Variants in CEP164 observed in about 807,000 individuals in gnomAD.
The protein encoded by CEP164 is centrosomal protein of 164 kDa.
In CEP164, 162 loss-of-function variants were observed where a neutral mutation model predicts 182.7. The observed-to-expected ratio is 0.89, with a 90% CI of 0.78 to 1.01. CEP164 has a LOEUF of 1.01. Ranked by LOEUF, CEP164 falls within the 50% of genes least tolerant of loss-of-function variation. The pLI, the probability that CEP164 is intolerant of heterozygous loss-of-function variation, is 0.00. For missense variants in CEP164, 1,735 were observed against 1,790.4 expected (o/e 0.97, Z 0.56); for synonymous variants, 661 against 690.0 (o/e 0.96, Z 0.66).
rs751277203 is a variant in CEP164 at position 117,351,931 on chromosome 11, G to GA, written c.347dup (p.Glu117GlyfsTer88). 13,017 of 951,460 alleles carry GA rather than the reference G, an allele frequency of 0.014. No individual in the cohort carries two copies. The highest frequency in any genetic ancestry group is 0.015 in the South Asian group (752 of 51,222). The allele number at this position is 951,460 out of a possible 1,614,324, so 58.9% of individuals were successfully genotyped here. ...CAACTTCTGGGGCCATTAAGAAGAA[G>GA]AAAAAAAAAAAGGAAAAGAAAGACA... On this transcript the variant is annotated frameshift_variant, in exon 5 of 33. Transcript: ENST00000278935. LOFTEE classifies it high-confidence loss of function.
chr11:117,407,799 T>G (rs755562357), intron 27 of CEP164, 126 bp from the exon 28 acceptor site: 4 of 621,396 alleles, frequency 6.4e-6, no homozygotes, highest in Middle Eastern at 2.7e-4. Flanking sequence ...GTCATAGTTC[T>G]CTGTTCCAGA....
At chr11:117,370,760 A>G (rs1234586319) in intron 8 of CEP164, among the ~76,000 whole-genome samples, 1 of 152,048 alleles carries the variant, frequency 6.6e-6, no homozygotes, top group African/African-American at 2.4e-5. Context: ...AAAATACAAA[A>G]AATAGTCAGC....
At chr11:117,336,151 A>AT in intron 2 of CEP164, 2 of 1,570,156 alleles carry the variant, frequency 1.3e-6, no homozygotes, top group South Asian at 2.2e-5. Flanking sequence ...CTGAAGCTTG[A>AT]TGGGAGAGCA....
chr11:117,375,107 G>A (rs1451425947), intron 10 of CEP164, among the ~76,000 whole-genome samples: 1 of 152,216 alleles, frequency 6.6e-6, no homozygotes, highest in East Asian at 1.9e-4. Context: ...GGAACGAGCT[G>A]GAAAGAGCCC....
chr11:117,388,976 T>C (rs2044275222), intron 15 of CEP164, among the ~76,000 whole-genome samples: 1 of 151,950 alleles, frequency 6.6e-6, no homozygotes, highest in Admixed American at 6.6e-5. Context: ...TTCACTGGGT[T>C]AGCCAGGATG....
chr11:117,373,060 A>C (rs2042378849), intron 9 of CEP164, among the ~76,000 whole-genome samples: 1 of 152,050 alleles, frequency 6.6e-6, no homozygotes. Flanking sequence ...GTAGATGATG[A>C]GGGAATTCAT....
chr11:117,352,480 C>T (rs565954311), intron 5 of CEP164, among the ~76,000 whole-genome samples: 1 of 152,170 alleles, frequency 6.6e-6, no homozygotes, highest in South Asian at 2.1e-4. Context: ...AACACCAGTG[C>T]GTTCAAGATT....
chr11:117,393,236 G>T (rs1158566226), intron 20 of CEP164, 110 bp downstream of exon 20: 3 of 1,453,304 alleles, frequency 2.1e-6, no homozygotes, highest in Non-Finnish European at 2.7e-6. Flanking sequence ...CACACCCCGG[G>T]GTCCTTCCCA....
chr11:117,382,797 G>T lies in CEP164; in HGVS notation c.1579G>T (p.Glu527Ter), dbSNP rs774471424. The T allele has an allele frequency of 6.2e-7, 1 of 1,613,832 alleles. No homozygotes were observed. The highest frequency in any genetic ancestry group is 8.5e-7 in the Non-Finnish European group (1 of 1,179,962). ...AGTTGTTTCCTTACTGCTATCAAGGGAGCAGGCCCCAAGCCCACCTGCTGC... is the reference window on the plus strand; with the variant it reads ...AGTTGTTTCCTTACTGCTATCAAGGTAGCAGGCCCCAAGCCCACCTGCTGC... Reference protein sequence around the residue: ...SLSLQLSLQREQAPSPPAACE... With the variant: ...SLSLQLSLQR The change falls in exon 14 of 33, where the codon GAG (glutamate) becomes TAG (stop). Residue 527 changes from glutamate (E) to a stop codon, truncating the protein, a stop_gained and splice_region_variant. Transcript: ENST00000278935. LOFTEE classifies it high-confidence loss of function.
Position 117,391,008 on chromosome 11 carries a change from A to AGAG in CEP164, c.2078_2080dup (p.Glu693dup), listed in dbSNP as rs773808167. 1 of 1,614,118 alleles carries AGAG rather than the reference A, an allele frequency of 6.2e-7. No individual in the cohort carries two copies. The highest frequency in any genetic ancestry group is 1.1e-5 in the South Asian group (1 of 91,082). On this transcript the variant is annotated inframe_insertion, in exon 17 of 33. Transcript: ENST00000278935. Reference sequence around the variant, plus strand: ...CACTGTGTCCACCCAGGGCTGAGCAAGAGGCTTCCCTGCAGAAACTGAGAG... The same window carrying AGAG: ...CACTGTGTCCACCCAGGGCTGAGCAAGAGGAGGCTTCCCTGCAGAAACTGAGAG...
Position 117,387,332 on chromosome 11 carries a change from G to C in CEP164, c.1854G>C (p.Met618Ile). The change falls in exon 15 of 33, where the codon ATG (methionine) becomes ATC (isoleucine). Residue 618 changes from methionine to isoleucine, a missense_variant. By Grantham distance (10) the Met-to-Ile change is conservative. Transcript: ENST00000278935. ...RHLLESKQEK[M>I]QQLREKLCQE... is the part of the protein sequence containing the mutation. Reference sequence around the variant, plus strand: ...TGCTGGAATCCAAGCAAGAGAAGATGCAGCAACTGCGGGAGAAGCTGTGCC... The same window carrying C: ...TGCTGGAATCCAAGCAAGAGAAGATCCAGCAACTGCGGGAGAAGCTGTGCC... The C allele has an allele frequency of 1.9e-6, 3 of 1,614,210 alleles. No homozygotes were observed. The highest frequency in any genetic ancestry group is 1.1e-5 in the South Asian group (1 of 91,080).
rs2044598722 is a variant in CEP164 at position 117,391,121 on chromosome 11, A to C, written c.2189A>C (p.Glu730Ala). 6.2e-7 allele frequency: 1 copy of C among 1,614,072 alleles called. No individual in the cohort carries two copies. Among genetic ancestry groups the C allele is most frequent in the South Asian group, 1.1e-5 (1 of 91,082 alleles). Reference protein sequence around the residue: ...QMLEQLKEEIEASEKSEQAAL... With the variant: ...QMLEQLKEEIAASEKSEQAAL... The stretch of plus-strand genomic sequence containing the variant: ...CTGGAGCAGCTCAAGGAAGAGATAG[A>C]GGCTTCGGAGAAGAGCGAGCAGGCT... The change falls in exon 17 of 33, where the codon GAG becomes GCG. Residue 730 changes from glutamate (E) to alanine (A), a missense_variant. Coordinates refer to ENST00000278935, the MANE Select transcript of CEP164 (RefSeq NM_014956.5).
rs563933581 is a variant in CEP164, at chr11:117,407,368, C to A, written c.3502-557C>A. Reference sequence around the variant, plus strand: ...TTTGCGGCTGATGTGGTGGCTCATGCCTGTAATCCCAGTGCTTTGGGAGGC... The same window carrying A: ...TTTGCGGCTGATGTGGTGGCTCATGACTGTAATCCCAGTGCTTTGGGAGGC... On this transcript the variant is annotated intron_variant, in intron 27 of 32. Coordinates refer to ENST00000278935, the MANE Select transcript of CEP164 (RefSeq NM_014956.5). 3.2e-4 allele frequency among the ~76,000 whole-genome samples: 47 copies of A among 147,948 alleles called. No individual in the cohort carries two copies. The South Asian group carries it at 4.1e-3, about 13-fold the overall frequency.
intron 4 of CEP164, among the ~76,000 whole-genome samples, chr11:117,346,733 A>G (rs987394251): frequency 1.3e-5 from 2 of 151,952 alleles, no homozygotes; most frequent in South Asian, 2.1e-4. Context: ...GGGTGATGAC[A>G]TGCACCTTTA....
At position 117,400,582 on chromosome 11, in the gene CEP164, G is replaced by T. The variant is rs1434795077; in HGVS notation, c.3501+3269G>T. On this transcript the variant is annotated intron_variant, in intron 27 of 32. Coordinates refer to ENST00000278935, the MANE Select transcript of CEP164 (RefSeq NM_014956.5). ...ATCTGTAAATTACTTTGGGCAGTAT[G>T]GTCATTTTCACAATATTGATTCTTC... 4.6e-5 allele frequency among the ~76,000 whole-genome samples: 7 copies of T among 152,096 alleles called. No individual in the cohort carries two copies. In the South Asian group the frequency reaches 1.5e-3, roughly 32 times the overall value.
chr11:117,408,429 G>A (rs561811405), intron 28 of CEP164: 12 of 231,610 alleles, frequency 5.2e-5, no homozygotes, highest in South Asian at 2.2e-4. Flanking sequence ...TAGGTGTAGC[G>A]GGGGAGGCTT....
chr11:117,367,833 C>G (rs2041810864), intron 8 of CEP164, among the ~76,000 whole-genome samples: 1 of 152,162 alleles, frequency 6.6e-6, no homozygotes. Context: ...GTCCTGTATT[C>G]TCTGATTTTT....
chr11:117,371,103 AGAG>A lies in CEP164; in HGVS notation c.793_795del (p.Glu265del), dbSNP rs760985746. On this transcript the variant is annotated inframe_deletion, in exon 9 of 33. Transcript: ENST00000278935. ...AGGAGTCTCTGAGAACAAGCCAGCC[AGAG>A]GAGAAGAAGGATGTTTCTCTGGATT... The A allele has an allele frequency of 2.9e-5, 47 of 1,604,936 alleles. No homozygotes were observed. The highest frequency in any genetic ancestry group is 4.0e-5 in the Non-Finnish European group (47 of 1,174,652).
intron 11 of CEP164, 139 bp from the exon 12 acceptor site, chr11:117,380,475 T>A: frequency 1.5e-6 from 1 of 666,652 alleles, no homozygotes; most frequent in Non-Finnish European, 2.6e-6. Flanking sequence ...ATCAACCTTC[T>A]GTTCTACGTC....
Sources: gnomAD v4.1 joint callset for allele counts (sites outside exome capture counted in the v4.1 genomes callset) on GRCh38, gnomAD v4.1.1 for gene constraint, MANE v1.5 for transcripts, NCBI Gene and HGNC (gene_info 2026-07-23, HGNC 2026-07-21) for gene names.